The following SPAST variants were observed in gnomAD, a reference collection of about 807,000 sequenced individuals.
The protein encoded by SPAST is spastin, also known as spastic paraplegia 4 (autosomal dominant; spastin).
SPAST carries 30 observed loss-of-function variants against 76.6 expected under a neutral mutation model. The ratio of observed to expected loss-of-function variants is 0.39; its 90% confidence interval spans 0.29 to 0.53. SPAST has a LOEUF of 0.53. SPAST is among the 20% of genes least tolerant of loss of function. The probability of loss-of-function intolerance (pLI) is 0.68; values close to 1 mark genes in which losing one functional copy is unlikely to be tolerated. For synonymous variants in SPAST, 305 were observed against 281.0 expected, an observed-to-expected ratio of 1.09 and a Z score of -0.86; for missense variants, 717 against 770.5, an observed-to-expected ratio of 0.93 and a Z score of 0.82.
At chr2:32,143,305 G>T (rs776507982) in intron 13 of SPAST, 31 bp from the exon 14 acceptor site, 1 of 1,239,310 alleles carries the variant, frequency 8.1e-7, no homozygotes, top group Non-Finnish European at 1.2e-6. Flanking sequence ...TCTGAAATTA[G>T]ACTGAATGAT....
intron 1 of SPAST, among the ~76,000 whole-genome samples, chr2:32,070,376 A>G (rs889927600): frequency 3.9e-5 from 6 of 152,102 alleles, no homozygotes; most frequent in South Asian, 2.1e-4. Flanking sequence ...CCCATACTCA[A>G]ATTTGACACT....
intron 5 of SPAST, 46 bp downstream of exon 5, chr2:32,114,871 A>G (rs1233835480): frequency 6.9e-7 from 1 of 1,455,326 alleles, no homozygotes; most frequent in African/African-American, 1.4e-5. Context: ...TGCAAATAGA[A>G]AAATTTTTAA....
intron 4 of SPAST, among the ~76,000 whole-genome samples, chr2:32,100,379 T>C (rs1678075853): frequency 6.6e-6 from 1 of 151,498 alleles, no homozygotes; most frequent in Admixed American, 6.6e-5. Context: ...TATTTAATAT[T>C]ACTTTTTTCA....
intron 4 of SPAST, 28 bp from the exon 5 acceptor site, chr2:32,114,610 C>G: frequency 1.9e-6 from 3 of 1,590,976 alleles, no homozygotes; most frequent in Admixed American, 1.7e-5. Flanking sequence ...ATTTTCTAAT[C>G]ACAATGGTTT....
chr2:32,064,329 T>G (rs1219767132), intron 1 of SPAST, 83 bp downstream of exon 1: 2 of 1,293,978 alleles, frequency 1.5e-6, no homozygotes, highest in African/African-American at 3.0e-5. Context: ...CCTGCGTCCC[T>G]TTTCTGCGGG....
intron 12 of SPAST, among the ~76,000 whole-genome samples, chr2:32,140,002 C>G (rs898307879): frequency 9.2e-5 from 14 of 152,084 alleles, no homozygotes; most frequent in African/African-American, 3.4e-4. Context: ...TTGGAAGAAT[C>G]AATATCGTTA....
At chr2:32,128,161 A>C in intron 8 of SPAST, 1 of 424,948 alleles carries the variant, frequency 2.4e-6, no homozygotes, top group South Asian at 2.2e-5. Flanking sequence ...CGCCTGACTA[A>C]TTTTTGTATT....
rs1361493550 is a variant in SPAST, at chr2:32,063,911, C to T, written c.80C>T (p.Pro27Leu). ...CCGGTGCCTCCCAGGCCTCCGCCCC[C>T]TTGCCTGGCCCCCGCCCCTCCCGCC... ...SNPVPPRPPP[P>L]CLAPAPPAAG... Residue 27 changes from proline to leucine, a missense_variant, in exon 1 of 17, where the codon CCT becomes CTT. Pro to Leu is a moderately conservative substitution (Grantham distance 98). This residue lies in a region of SPAST where 543 missense variants were observed against 445.2 expected (regional missense o/e 1.22). Transcript: ENST00000315285. 3 of 1,584,560 alleles carry T rather than the reference C, an allele frequency of 1.9e-6. No individual in the cohort carries two copies. The highest frequency in any genetic ancestry group is 1.8e-5 in the Admixed American group (1 of 55,500).
intron 4 of SPAST, among the ~76,000 whole-genome samples, chr2:32,101,168 C>T (rs112826068): frequency 0.41 from 61,532 of 151,826 alleles, 12,818 homozygotes; most frequent in East Asian, 0.64. Flanking sequence ...TGGTGTGAGA[C>T]GGTATCTCAT....
rs1676378892 is a variant in SPAST at position 32,063,767 on chromosome 2, C to T, written c.-65C>T. ...CCCCCGCCGTAGCAGTGGCTGCCGCCGTCGCTTGGTTCCCGTCGGTCTGCG... is the reference window on the plus strand; with the variant it reads ...CCCCCGCCGTAGCAGTGGCTGCCGCTGTCGCTTGGTTCCCGTCGGTCTGCG... On this transcript the variant is annotated 5_prime_UTR_variant, in exon 1 of 17. Transcript: ENST00000315285. 8 of 1,527,888 alleles carry T rather than the reference C, an allele frequency of 5.2e-6. No individual in the cohort carries two copies. The East Asian group carries it at 7.4e-5, about 14-fold the overall frequency. The allele number at this position is 1,527,888 out of a possible 1,614,324, so 94.6% of individuals were successfully genotyped here.
At chr2:32,080,853 G>A (rs1677193295) in intron 1 of SPAST, among the ~76,000 whole-genome samples, 1 of 124,224 alleles carries the variant, frequency 8.0e-6, no homozygotes, top group African/African-American at 3.1e-5. Flanking sequence ...GCAGTGCCAT[G>A]GCACGATCTC....
intron 7 of SPAST, chr2:32,126,449 C>T (rs1024103757): frequency 6.7e-6 from 1 of 148,950 alleles, no homozygotes; most frequent in East Asian, 1.9e-4. Context: ...ATTTTTACCA[C>T]CGAGGAGTTG....
At chr2:32,112,027 G>A (rs138177142) in intron 4 of SPAST, among the ~76,000 whole-genome samples, 1 of 139,654 alleles carries the variant, frequency 7.2e-6, no homozygotes, top group South Asian at 2.3e-4. Context: ...TTTTTTTTTA[G>A]ATGGAGCCTC....
chr2:32,094,430 C>T (rs74322218), intron 3 of SPAST, among the ~76,000 whole-genome samples: 184 of 152,112 alleles, frequency 1.2e-3, no homozygotes, highest in African/African-American at 4.3e-3. Context: ...CATGAGTTAG[C>T]CATGATGATA....
rs1403480959 is a variant in SPAST, at chr2:32,063,928, C to G, written c.97C>G (p.Pro33Ala). 19 of 1,597,930 alleles carry G rather than the reference C, an allele frequency of 1.2e-5. No individual in the cohort carries two copies. Among genetic ancestry groups the G allele is most frequent in the Non-Finnish European group, 1.5e-5 (18 of 1,172,572 alleles). ...TCCGCCCCCTTGCCTGGCCCCCGCCCCTCCCGCCGCCGGGCCGGCCCCTCC... is the reference window on the plus strand; with the variant it reads ...TCCGCCCCCTTGCCTGGCCCCCGCCGCTCCCGCCGCCGGGCCGGCCCCTCC... ...RPPPPCLAPA[P>A]PAAGPAPPPE... The change falls in exon 1 of 17, where the codon CCT becomes GCT. Residue 33 changes from proline to alanine, a missense_variant. Transcript: ENST00000315285.
At chr2:32,064,565 A>T (rs902165782) in intron 1 of SPAST, among the ~76,000 whole-genome samples, 1 of 152,184 alleles carries the variant, frequency 6.6e-6, no homozygotes, top group African/African-American at 2.4e-5. Flanking sequence ...GACCACACTG[A>T]TCCTTTCTAG....
At chr2:32,101,761 G>A (rs1199881719) in intron 4 of SPAST, among the ~76,000 whole-genome samples, 1 of 152,080 alleles carries the variant, frequency 6.6e-6, no homozygotes, top group Non-Finnish European at 1.5e-5. Context: ...TTTTTGTCAG[G>A]TTTGTCAAAG....
At chr2:32,104,592 G>A (rs1158644372) in intron 4 of SPAST, among the ~76,000 whole-genome samples, 1 of 152,174 alleles carries the variant, frequency 6.6e-6, no homozygotes, top group Non-Finnish European at 1.5e-5. Flanking sequence ...GCTTGTACCG[G>A]TTGTTCATTT....
chr2:32,131,535 C>T (rs1679368323), intron 9 of SPAST, among the ~76,000 whole-genome samples: 1 of 152,104 alleles, frequency 6.6e-6, no homozygotes. Flanking sequence ...ATATTATTCT[C>T]ATAGCTCTAT....
Sources: gnomAD v4.1 joint callset for allele counts (sites outside exome capture counted in the v4.1 genomes callset) on GRCh38, gnomAD v4.1.1 for gene constraint, gnomAD v4.1.1 regional missense constraint, MANE v1.5 for transcripts, NCBI Gene and HGNC (gene_info 2026-07-23, HGNC 2026-07-21) for gene names.